The following MEGF11 variants were observed in gnomAD, a reference collection of about 807,000 sequenced individuals.
The protein encoded by MEGF11 is multiple EGF like domains 11, also known as multiple epidermal growth factor-like domains protein 11.
A neutral mutation model predicts 146.6 loss-of-function variants in MEGF11; 126 were observed. The ratio of observed to expected loss-of-function variants is 0.86; its 90% CI spans 0.74 to 1.00. The LOEUF (loss-of-function observed/expected upper bound fraction) is 1.00. Among genes scored for constraint, MEGF11 ranks in the 50% least tolerant of loss-of-function variants. MEGF11 has a pLI of 0.00. For missense variants in MEGF11, 1,509 were observed against 1,521.2 expected (o/e 0.99, Z 0.13); for synonymous variants, 532 against 583.4 (o/e 0.91, Z 1.27).
chr15:65,968,130 AAAG>A (rs1190823321), intron 8 of MEGF11, among the ~76,000 whole-genome samples: 1 of 152,104 alleles, frequency 6.6e-6, no homozygotes, highest in Non-Finnish European at 1.5e-5. Flanking sequence ...AGGAGGCAAG[AAAG>A]AAGGTGATGT....
At chr15:66,062,937 G>A (rs1167938858) in intron 5 of MEGF11, among the ~76,000 whole-genome samples, 1 of 152,174 alleles carries the variant, frequency 6.6e-6, no homozygotes, top group African/African-American at 2.4e-5. Flanking sequence ...GTTTTTATTT[G>A]TGAAAGTGAT....
intron 1 of MEGF11, among the ~76,000 whole-genome samples, chr15:66,206,098 CA>C (rs2091292533): frequency 6.6e-6 from 1 of 152,042 alleles, no homozygotes; most frequent in Non-Finnish European, 1.5e-5. Flanking sequence ...CAAAGAAATG[CA>C]AGGCATAAAG....
intron 1 of MEGF11, among the ~76,000 whole-genome samples, chr15:66,205,687 G>T (rs11071872): frequency 1.5e-3 from 235 of 152,346 alleles, no homozygotes; most frequent in African/African-American, 5.4e-3. Flanking sequence ...ACTCCTACCC[G>T]TGCTCAGCTG....
intron 1 of MEGF11, among the ~76,000 whole-genome samples, chr15:66,148,874 T>A (rs1482143617): frequency 6.6e-6 from 1 of 152,206 alleles, no homozygotes; most frequent in Non-Finnish European, 1.5e-5. Flanking sequence ...TTCACTCCCC[T>A]AGGGTCCCCC....
At chr15:65,938,353 G>A (rs1567166548) in intron 10 of MEGF11, among the ~76,000 whole-genome samples, 1 of 152,240 alleles carries the variant, frequency 6.6e-6, no homozygotes, top group African/African-American at 2.4e-5. Context: ...CAGCCTAAAT[G>A]TGGGAATTCT....
chr15:66,113,708 C>T (rs1470021997), intron 4 of MEGF11, among the ~76,000 whole-genome samples: 2 of 152,182 alleles, frequency 1.3e-5, no homozygotes, highest in African/African-American at 2.4e-5. Context: ...AGTGAAACCC[C>T]GTCTCTACTA....
rs774717389 is a variant in MEGF11 at position 66,128,395 on chromosome 15, G to A, written c.9C>T (p.Leu3=). The A allele has an allele frequency of 6.6e-7, 1 of 1,511,654 alleles. No homozygotes were observed. Among genetic ancestry groups the A allele is most frequent in the Non-Finnish European group, 8.9e-7 (1 of 1,128,276 alleles). The allele number at this position is 1,511,654 out of a possible 1,614,324, so 93.6% of individuals were successfully genotyped here. ...AGAAGGCAATGAGCCCCGTCAGGGA[G>A]AGCACCATCCCGGGCCCTGCACAGG... MV[L]SLTGLIAFSF... is the part of the protein sequence containing the mutation. The change falls in exon 2 of 26, where the codon CTC becomes CTT. Residue 3 remains leucine (L), a synonymous_variant. Transcript: ENST00000395614.
chr15:66,014,966 GA>G (rs11350229), intron 5 of MEGF11, among the ~76,000 whole-genome samples: 146,780 of 151,138 alleles, frequency 0.97, 71,411 homozygotes, highest in Middle Eastern at 1. Flanking sequence ...AGCTCTAGAG[GA>G]AAAAAAAAAA....
chr15:66,231,034 T>A (rs2091957222), intron 1 of MEGF11, among the ~76,000 whole-genome samples: 1 of 152,216 alleles, frequency 6.6e-6, no homozygotes, highest in Admixed American at 6.5e-5. Context: ...AAGCGTTCTA[T>A]AGAGAATAAG....
Position 66,123,855 on chromosome 15 carries a change from C to T in MEGF11, c.200+44G>A, listed in dbSNP as rs368224954. On this transcript the variant is annotated intron_variant, in intron 3 of 25. Coordinates refer to ENST00000395614, the MANE Select transcript of MEGF11 (RefSeq NM_001385028.1). ...CTTGCACAGAGGCAAGCCCTGAGAG[C>T]CCAGTGCCTTTTCCCTGCCCCATCA... The T allele has an allele frequency of 1.1e-4, 165 of 1,517,296 alleles. No homozygotes were observed. In the African/African-American group the frequency reaches 2.1e-3, roughly 19 times the overall value. 94.0% of individuals were successfully genotyped at this position (1,517,296 alleles called of 1,614,324 possible).
At chr15:66,131,698 A>T (rs1215180033) in intron 1 of MEGF11, among the ~76,000 whole-genome samples, 6 of 152,234 alleles carry the variant, frequency 3.9e-5, no homozygotes, top group Non-Finnish European at 8.8e-5. Flanking sequence ...AAGATCTCCA[A>T]GGGTGAATAA....
chr15:65,984,547 A>AAAAAAT (rs1414753011), intron 5 of MEGF11, among the ~76,000 whole-genome samples: 4 of 150,024 alleles, frequency 2.7e-5, no homozygotes, highest in African/African-American at 9.8e-5. Flanking sequence ...AAAAAAAAAA[A>AAAAAAT]AAAGGCTCAC....
chr15:66,003,258 T>G (rs2082419362), intron 5 of MEGF11, among the ~76,000 whole-genome samples: 1 of 152,102 alleles, frequency 6.6e-6, no homozygotes, highest in Admixed American at 6.5e-5. Flanking sequence ...CCTCCCAAAG[T>G]GCTGGGATTA....
chr15:65,989,698 T>G (rs2081972724), intron 5 of MEGF11, among the ~76,000 whole-genome samples: 1 of 152,216 alleles, frequency 6.6e-6, no homozygotes. Context: ...GAGGGAGCAC[T>G]GAAGGATGGG....
chr15:66,241,519 A>T (rs1317590969), intron 1 of MEGF11, among the ~76,000 whole-genome samples: 1 of 152,224 alleles, frequency 6.6e-6, no homozygotes, highest in African/African-American at 2.4e-5. Context: ...CCTCGGAAGC[A>T]TTCTTAGGCC....
intron 1 of MEGF11, among the ~76,000 whole-genome samples, chr15:66,141,151 G>A (rs763054495): frequency 2.6e-5 from 4 of 151,958 alleles, no homozygotes; most frequent in African/African-American, 9.7e-5. Context: ...GCAGGCTCAC[G>A]TGGATGACCT....
At chr15:66,134,453 T>A (rs11631367) in intron 1 of MEGF11, among the ~76,000 whole-genome samples, 44,528 of 152,004 alleles carry the variant, frequency 0.29, 7,767 homozygotes, top group Admixed American at 0.46. Flanking sequence ...CCCGGACACC[T>A]GCCTGGCCCC....
intron 5 of MEGF11, among the ~76,000 whole-genome samples, chr15:66,056,715 T>C (rs1439650253): frequency 6.6e-6 from 1 of 152,168 alleles, no homozygotes; most frequent in Non-Finnish European, 1.5e-5. Context: ...GAAGAACTGG[T>C]CTAGCCCTTA....
intron 1 of MEGF11, among the ~76,000 whole-genome samples, chr15:66,227,945 G>A (rs2091888312): frequency 6.6e-6 from 1 of 152,114 alleles, no homozygotes; most frequent in South Asian, 2.1e-4. Context: ...AATGACACAT[G>A]CCAGGGCATC....
Sources: allele counts gnomAD v4.1 joint callset (sites outside exome capture counted in the v4.1 genomes callset), GRCh38; gene constraint gnomAD v4.1.1; transcripts MANE v1.5; gene names NCBI Gene and HGNC (gene_info 2026-07-23, HGNC 2026-07-21).